Variants in PRDM16 observed in about 807,000 individuals in gnomAD.
PRDM16 encodes the protein PR/SET domain 16.
PRDM16 carries 23 observed loss-of-function variants against 110.6 expected under a neutral mutation model. That is an observed-to-expected ratio of 0.21 (90% CI 0.15 to 0.29). The LOEUF (loss-of-function observed/expected upper bound fraction) is 0.29. Ranked by LOEUF, PRDM16 falls within the 10% of genes least tolerant of loss-of-function variation. The pLI is 1.00. For synonymous variants in PRDM16, 799 were observed against 781.8 expected (o/e 1.02, Z -0.37); for missense variants, 1,615 against 1,794.3 (o/e 0.90, Z 1.81).
chr1:3,142,517 A>G (rs1345089027), intron 1 of PRDM16, among the ~76,000 whole-genome samples: 1 of 151,986 alleles, frequency 6.6e-6, no homozygotes, highest in African/African-American at 2.4e-5. Context: ...GGGATGCACA[A>G]AAGCACAGGG....
At chr1:3,120,352 C>A (rs968810448) in intron 1 of PRDM16, among the ~76,000 whole-genome samples, 3 of 152,240 alleles carry the variant, frequency 2.0e-5, no homozygotes, top group Non-Finnish European at 4.4e-5. Context: ...TGGTTGAGGT[C>A]GTCACCGCAG....
In PRDM16 at chr1:3,350,368, G is replaced by A. The variant is rs1180826633; in HGVS notation, c.439-34784G>A. ...AGATCTGGAAGTGGGAGGGGAGGCG[G>A]CTCTCTACCTCCAACCTGGGCACCC... On this transcript the variant is annotated intron_variant, in intron 3 of 16. Coordinates refer to ENST00000270722, the MANE Select transcript of PRDM16 (RefSeq NM_022114.4). The surrounding 1 kb of genome is among the most constrained non-coding windows in gnomAD (Gnocchi z 7.1). Among the ~76,000 whole-genome samples the A allele has an allele frequency of 1.3e-5, 2 of 152,082 alleles. No homozygotes were observed. The highest frequency in any genetic ancestry group is 1.3e-4 in the Admixed American group (2 of 15,286).
intron 1 of PRDM16, among the ~76,000 whole-genome samples, chr1:3,139,213 T>C (rs1441830440): frequency 6.6e-6 from 1 of 152,176 alleles, no homozygotes; most frequent in Non-Finnish European, 1.5e-5. Flanking sequence ...CTCCACTTGG[T>C]GCCACCGGGC....
At chr1:3,090,128 C>A (rs535852540) in intron 1 of PRDM16, among the ~76,000 whole-genome samples, 2 of 152,228 alleles carry the variant, frequency 1.3e-5, no homozygotes, top group Non-Finnish European at 2.9e-5. Context: ...TGTGCTCATT[C>A]GTGACATGGG....
rs1642537703 is a variant in PRDM16, at chr1:3,353,630, A to G, written c.439-31522A>G. ...CCCGCAGTGTGACCGGCAGTTGGCA[A>G]ACCATTGACTCAGGCCACCTCACTG... On this transcript the variant is annotated intron_variant, in intron 3 of 16. Coordinates refer to ENST00000270722, the MANE Select transcript of PRDM16 (RefSeq NM_022114.4). This position sits in a 1 kb window ranked among gnomAD's most constrained non-coding sequence, Gnocchi z 5.4. Among the ~76,000 whole-genome samples, 1 of 152,180 alleles carries G rather than the reference A, an allele frequency of 6.6e-6. No individual in the cohort carries two copies. The highest frequency in any genetic ancestry group is 2.4e-5 in the African/African-American group (1 of 41,456).
At chr1:3,070,996 C>T (rs573020951) in intron 1 of PRDM16, among the ~76,000 whole-genome samples, 2 of 152,368 alleles carry the variant, frequency 1.3e-5, no homozygotes, top group East Asian at 3.9e-4. Context: ...TGTCTGTGCG[C>T]GGCGTTGCGG....
chr1:3,231,718 A>T (rs1639420332), intron 2 of PRDM16, among the ~76,000 whole-genome samples: 1 of 152,210 alleles, frequency 6.6e-6, no homozygotes, highest in Non-Finnish European at 1.5e-5. Context: ...ACATCTCAGC[A>T]AGGCTGGGCA....
chr1:3,235,300 C>T (rs776804773), intron 2 of PRDM16, among the ~76,000 whole-genome samples: 3 of 152,222 alleles, frequency 2.0e-5, no homozygotes, highest in Non-Finnish European at 1.5e-5. Flanking sequence ...GAGCTGGCTA[C>T]GGGAGGCTCT....
chr1:3,428,515 A>T (rs1391434797), intron 14 of PRDM16, among the ~76,000 whole-genome samples: 1 of 152,102 alleles, frequency 6.6e-6, no homozygotes, highest in Non-Finnish European at 1.5e-5. Flanking sequence ...CCCTCGGAAG[A>T]CCCGTCCTGC....
chr1:3,341,442 C>A (rs1014430791), intron 3 of PRDM16, among the ~76,000 whole-genome samples: 1 of 152,122 alleles, frequency 6.6e-6, no homozygotes, highest in African/African-American at 2.4e-5. Context: ...TAAGCAGCTC[C>A]TGAATGGAAG....
chr1:3,231,153 G>A (rs1293551297), intron 2 of PRDM16, among the ~76,000 whole-genome samples: 1 of 152,084 alleles, frequency 6.6e-6, no homozygotes, highest in Admixed American at 6.5e-5. Context: ...TGTGACCTCC[G>A]TCCCATACAC....
intron 3 of PRDM16, among the ~76,000 whole-genome samples, chr1:3,297,555 A>T (rs953662307): frequency 6.6e-6 from 1 of 152,050 alleles, no homozygotes; most frequent in Non-Finnish European, 1.5e-5. Flanking sequence ...AAACGGTGGG[A>T]TTGCAGGTGC....
At chr1:3,106,912 C>T (rs1158259512) in intron 1 of PRDM16, among the ~76,000 whole-genome samples, 1 of 152,174 alleles carries the variant, frequency 6.6e-6, no homozygotes, top group Admixed American at 6.5e-5. Flanking sequence ...GACAACAGCG[C>T]CTGGGGCCAA....
intron 3 of PRDM16, among the ~76,000 whole-genome samples, chr1:3,352,503 TCTC>T (rs1471275964): frequency 3.9e-5 from 6 of 152,150 alleles, no homozygotes; most frequent in African/African-American, 7.2e-5. Context: ...TTTCGTTTGT[TCTC>T]CTTTCCTTTC....
At chr1:3,112,944 C>T (rs960623059) in intron 1 of PRDM16, among the ~76,000 whole-genome samples, 1 of 152,272 alleles carries the variant, frequency 6.6e-6, no homozygotes, top group Non-Finnish European at 1.5e-5. Context: ...GTCACATGTG[C>T]AAAGGGCTCA....
rs552905166 is a variant in PRDM16, at chr1:3,227,716, C to T, written c.388-16371C>T. 1.9e-3 allele frequency among the ~76,000 whole-genome samples: 283 copies of T among 152,338 alleles called. 4 individuals are homozygous for T. The highest frequency in any genetic ancestry group is 1.2e-3 in the East Asian group (6 of 5,186). ...GCTGGCTGCCCAGGCTGCCCGTCTC[C>T]GCCAGCCCTAACCCTTTAGCTCCTC... On this transcript the variant is annotated intron_variant, in intron 2 of 16. Transcript: ENST00000270722.
chr1:3,119,311 G>A (rs1198029855), intron 1 of PRDM16, among the ~76,000 whole-genome samples: 1 of 152,248 alleles, frequency 6.6e-6, no homozygotes, highest in African/African-American at 2.4e-5. Flanking sequence ...GCGGCCAGGC[G>A]GGTGACCCGC....
At chr1:3,087,434 G>A (rs1199994702) in intron 1 of PRDM16, among the ~76,000 whole-genome samples, 1 of 152,218 alleles carries the variant, frequency 6.6e-6, no homozygotes, top group East Asian at 1.9e-4. Flanking sequence ...ACTCTGGATC[G>A]GCCGGCAGGA....
chr1:3,075,395 G>C (rs1226633923), intron 1 of PRDM16, among the ~76,000 whole-genome samples: 5 of 152,266 alleles, frequency 3.3e-5, no homozygotes, highest in African/African-American at 4.8e-5. Flanking sequence ...GGTGTGTTCA[G>C]TTCCTCGTCC....
Sources: gnomAD v4.1 joint callset for allele counts (sites outside exome capture counted in the v4.1 genomes callset) on GRCh38, gnomAD v4.1.1 for gene constraint, Gnocchi (gnomAD v3.1) non-coding constraint, MANE v1.5 for transcripts, NCBI Gene and HGNC (gene_info 2026-07-23, HGNC 2026-07-21) for gene names.